Variants in PALD1 observed in about 807,000 individuals in gnomAD.
PALD1 encodes phosphatase domain containing paladin 1.
In PALD1, 57 loss-of-function variants were observed where a neutral mutation model predicts 96.0. The observed-to-expected ratio is 0.59, with a 90% CI of 0.48 to 0.74. The LOEUF (loss-of-function observed/expected upper bound fraction) is 0.74, where lower values mean the gene tolerates loss of function less well. Among genes scored for constraint, PALD1 ranks in the 30% least tolerant of loss-of-function variants. The pLI is 0.00. For missense variants in PALD1, 1,063 were observed against 1,143.7 expected, an observed-to-expected ratio of 0.93 and a Z score of 1.02; for synonymous variants, 464 against 473.6, an observed-to-expected ratio of 0.98 and a Z score of 0.26.
chr10:70,549,366 C>G (rs1332764004), intron 18 of PALD1, among the ~76,000 whole-genome samples: 1 of 152,234 alleles, frequency 6.6e-6, no homozygotes, highest in East Asian at 1.9e-4. Flanking sequence ...CTTAGACCTT[C>G]CATCCCATGC....
chr10:70,476,446 C>G (rs866515262), upstream of PALD1, among the ~76,000 whole-genome samples: 1 of 152,196 alleles, frequency 6.6e-6, no homozygotes, highest in African/African-American at 2.4e-5. Context: ...AGCCCCATAG[C>G]CAGCAGACAG....
chr10:70,487,130 A>AAT (rs1163640789), intron 1 of PALD1, among the ~76,000 whole-genome samples: 3 of 110,424 alleles, frequency 2.7e-5, no homozygotes, highest in Non-Finnish European at 5.3e-5. Context: ...TCTGAGCCCA[A>AAT]TTTTTTTTTT....
intron 18 of PALD1, among the ~76,000 whole-genome samples, chr10:70,557,725 C>T (rs1043633687): frequency 6.6e-6 from 1 of 152,116 alleles, no homozygotes; most frequent in Non-Finnish European, 1.5e-5. Context: ...ACCTGCCCTT[C>T]AGCCACTGGC....
intron 1 of PALD1, among the ~76,000 whole-genome samples, chr10:70,503,119 A>C (rs1409372495): frequency 6.6e-6 from 1 of 151,962 alleles, no homozygotes; most frequent in Non-Finnish European, 1.5e-5. Context: ...ACCTCACGTG[A>C]TCTGCCTGCC....
the PALD1 span, among the ~76,000 whole-genome samples, chr10:70,471,203 T>C: frequency 6.6e-6 from 1 of 152,184 alleles, no homozygotes; most frequent in Non-Finnish European, 1.5e-5. Context: ...AGGTGATCCA[T>C]TGGCCTTGGC....
intron 1 of PALD1, among the ~76,000 whole-genome samples, chr10:70,520,980 C>T (rs1193000721): frequency 1.3e-5 from 2 of 152,166 alleles, no homozygotes; most frequent in East Asian, 1.9e-4. Flanking sequence ...GCGTGAGCCA[C>T]CGCGCCCGGC....
At chr10:70,564,081 C>T (rs1847792057) in intron 18 of PALD1, among the ~76,000 whole-genome samples, 1 of 152,152 alleles carries the variant, frequency 6.6e-6, no homozygotes, top group Non-Finnish European at 1.5e-5. Flanking sequence ...CTCCTGCTGT[C>T]CCTGTTCACC....
intron 1 of PALD1, among the ~76,000 whole-genome samples, chr10:70,493,788 T>C (rs370657865): frequency 3.3e-5 from 5 of 152,332 alleles, no homozygotes; most frequent in Admixed American, 2.0e-4. Context: ...TCACCTGTCC[T>C]CTGCTGCTAG....
intron 1 of PALD1, among the ~76,000 whole-genome samples, chr10:70,489,132 C>T (rs944624360): frequency 8.5e-5 from 13 of 152,252 alleles, no homozygotes; most frequent in African/African-American, 2.9e-4. Flanking sequence ...TCTCTTTAGG[C>T]AGCCTGTAGG....
chr10:70,493,475 G>A (rs139066986), intron 1 of PALD1, among the ~76,000 whole-genome samples: 4 of 152,268 alleles, frequency 2.6e-5, no homozygotes, highest in African/African-American at 9.6e-5. Flanking sequence ...TGTCTTTTGT[G>A]TCGCTTTCCA....
chr10:70,478,090 G>A (rs1845857566), upstream of PALD1, among the ~76,000 whole-genome samples: 1 of 148,838 alleles, frequency 6.7e-6, no homozygotes, highest in Non-Finnish European at 1.5e-5. Flanking sequence ...GGAGCCGCAT[G>A]ATGGGTGGGG....
In PALD1 at chr10:70,538,301, A is replaced by G; in HGVS notation, c.1345A>G (p.Ser449Gly). The G allele has an allele frequency of 6.2e-7, 1 of 1,604,018 alleles. No individual in the cohort carries two copies. Among genetic ancestry groups the G allele is most frequent in the Non-Finnish European group, 8.5e-7 (1 of 1,179,932 alleles). Residue 449 changes from serine to glycine, a missense_variant, in exon 12 of 20, where the codon AGT (serine) becomes GGT (glycine). Coordinates refer to ENST00000263563, the MANE Select transcript of PALD1 (RefSeq NM_014431.3). ...GCAGTACCCGCTGGCCTTTGCCCTC[A>G]GTTTCAGCCGCTGGCTGTGTGCCCA... ...HEQYPLAFAL[S>G]FSRWLCAHPE...
chr10:70,550,639 TC>T (rs1331395751), intron 18 of PALD1, among the ~76,000 whole-genome samples: 3 of 152,068 alleles, frequency 2.0e-5, no homozygotes, highest in African/African-American at 7.2e-5. Flanking sequence ...TCGCTTCCCC[TC>T]CCCCACCATC....
the PALD1 span, among the ~76,000 whole-genome samples, chr10:70,472,543 G>A: frequency 6.6e-6 from 1 of 152,166 alleles, no homozygotes; most frequent in East Asian, 1.9e-4. Context: ...TTACAGGTGT[G>A]AGCCACTGCG....
At chr10:70,514,120 G>A (rs938724582) in intron 1 of PALD1, among the ~76,000 whole-genome samples, 1 of 152,224 alleles carries the variant, frequency 6.6e-6, no homozygotes, top group African/African-American at 2.4e-5. Context: ...CAGTGCCTCT[G>A]CGGGCCGTCC....
upstream of PALD1, among the ~76,000 whole-genome samples, chr10:70,478,039 G>T (rs1845855809): frequency 6.6e-6 from 1 of 151,138 alleles, no homozygotes; most frequent in Non-Finnish European, 1.5e-5. Context: ...GTGGGGTGAG[G>T]AGTGGTGGGG....
chr10:70,547,197 G>A lies in PALD1; in HGVS notation c.2122-109G>A, dbSNP rs79359633. On this transcript the variant is annotated intron_variant, in intron 17 of 19. Transcript: ENST00000263563. ...GAGCAGGCAGGGCTCTCTGTTCAGC[G>A]CCTGGGCCTTAGGCCTGGTGTGGCC... 228 of 952,906 alleles carry A rather than the reference G, an allele frequency of 2.4e-4. 2 individuals are homozygous for A. The highest frequency in any genetic ancestry group is 1.3e-3 in the South Asian group (95 of 70,716). 59.0% of individuals were successfully genotyped at this position (952,906 alleles called of 1,614,324 possible).
chr10:70,475,961 C>G (rs149414064), upstream of PALD1, among the ~76,000 whole-genome samples: 19 of 152,382 alleles, frequency 1.2e-4, 1 homozygote, highest in East Asian at 3.7e-3. Context: ...AAGCCACACT[C>G]ACTCCCACTA....
chr10:70,482,258 A>G (rs1228570449), intron 1 of PALD1, among the ~76,000 whole-genome samples: 2 of 152,096 alleles, frequency 1.3e-5, no homozygotes, highest in Non-Finnish European at 2.9e-5. Context: ...GGGGTCAGGA[A>G]ATGGCAGGCT....
Sources: gnomAD v4.1 joint callset for allele counts (sites outside exome capture counted in the v4.1 genomes callset) on GRCh38, gnomAD v4.1.1 for gene constraint, MANE v1.5 for transcripts, NCBI Gene and HGNC (gene_info 2026-07-23, HGNC 2026-07-21) for gene names.